The following SCAPER variants were observed in gnomAD, a reference collection of about 807,000 sequenced individuals.
SCAPER encodes the protein S-phase cyclin A associated protein in the ER.
Under a neutral mutation model 182.2 loss-of-function variants are expected in SCAPER, and 98 were observed. The observed-to-expected ratio is 0.54, with a 90% CI of 0.46 to 0.64. SCAPER has a LOEUF of 0.64. Among genes scored for constraint, SCAPER ranks in the 30% least tolerant of loss-of-function variants. The pLI is 0.00. For missense variants in SCAPER, 1,432 were observed against 1,690.0 expected (o/e 0.85, Z 2.68); for synonymous variants, 605 against 564.6 (o/e 1.07, Z -1.01).
At chr15:76,459,389 C>A (rs941620700) in intron 25 of SCAPER, among the ~76,000 whole-genome samples, 3 of 152,136 alleles carry the variant, frequency 2.0e-5, no homozygotes, top group Non-Finnish European at 4.4e-5. Flanking sequence ...TATATTCTAA[C>A]TGGAGTAAGA....
chr15:76,739,775 C>T (rs374887668), intron 15 of SCAPER, among the ~76,000 whole-genome samples: 8 of 152,074 alleles, frequency 5.3e-5, no homozygotes, highest in African/African-American at 1.2e-4. Flanking sequence ...AAAGGTGATT[C>T]GTGAGCTAAG....
At chr15:76,864,107 T>C (rs886327425) in intron 2 of SCAPER, among the ~76,000 whole-genome samples, 3 of 152,136 alleles carry the variant, frequency 2.0e-5, no homozygotes, top group Non-Finnish European at 2.9e-5. Context: ...AATGAGATAA[T>C]AGGAACTAGA....
chr15:76,630,670 T>C (rs1251729253), intron 21 of SCAPER, among the ~76,000 whole-genome samples: 4 of 151,962 alleles, frequency 2.6e-5, no homozygotes, highest in African/African-American at 4.8e-5. Context: ...GAGACCGTTA[T>C]TATTTCAGTT....
At chr15:76,801,099 T>C (rs549486997) in intron 6 of SCAPER, among the ~76,000 whole-genome samples, 1 of 152,376 alleles carries the variant, frequency 6.6e-6, no homozygotes, top group African/African-American at 2.4e-5. Context: ...TTTTTTAAAT[T>C]ATACGTTTAT....
chr15:76,861,290 G>A (rs985042647), intron 3 of SCAPER, among the ~76,000 whole-genome samples: 1 of 152,150 alleles, frequency 6.6e-6, no homozygotes, highest in African/African-American at 2.4e-5. Context: ...GAAAAAATTA[G>A]TTACTTTACA....
chr15:76,630,985 T>G (rs2053055093), intron 21 of SCAPER, among the ~76,000 whole-genome samples: 1 of 152,230 alleles, frequency 6.6e-6, no homozygotes, highest in South Asian at 2.1e-4. Context: ...ACTCCTATAC[T>G]GGGTGTATAG....
In SCAPER at chr15:76,348,557, AG is replaced by A. The variant is rs1337274551; in HGVS notation, c.*75del. On this transcript the variant is annotated 3_prime_UTR_variant, in exon 32 of 32. Transcript: ENST00000563290. ...ATAAACATGGGAAAATGAGTTCTTA[AG>A]GAACAATTAGAATGTTTGTTTGGAC... The A allele has an allele frequency of 5.9e-6, 6 of 1,015,980 alleles. No homozygotes were observed. The highest frequency in any genetic ancestry group is 4.3e-6 in the Non-Finnish European group (3 of 692,018). 62.9% of individuals were successfully genotyped at this position (1,015,980 alleles called of 1,614,324 possible).
chr15:76,417,500 G>C (rs923964088), intron 26 of SCAPER, among the ~76,000 whole-genome samples: 4 of 152,180 alleles, frequency 2.6e-5, no homozygotes, highest in African/African-American at 9.7e-5. Context: ...GAGAGATCTA[G>C]CTTAAGTAAC....
intron 26 of SCAPER, among the ~76,000 whole-genome samples, chr15:76,431,051 C>T (rs1246612834): frequency 6.6e-6 from 1 of 152,104 alleles, no homozygotes; most frequent in African/African-American, 2.4e-5. Flanking sequence ...TCTTTGCCTG[C>T]CACAACCCAT....
In SCAPER at chr15:76,816,181, T is replaced by C. The variant is rs527957809; in HGVS notation, c.394-11548A>G. 3.3e-5 allele frequency among the ~76,000 whole-genome samples: 5 copies of C among 152,292 alleles called. 1 individual carries two copies. In the South Asian group the frequency reaches 1.0e-3, roughly 32 times the overall value. Reference sequence around the variant, plus strand: ...AGACTACACAAAATCCATACAAAAATTTTCTGTCTTCCTAATAAATTAACC... The same window carrying C: ...AGACTACACAAAATCCATACAAAAACTTTCTGTCTTCCTAATAAATTAACC... On this transcript the variant is annotated intron_variant, in intron 5 of 31. Coordinates refer to ENST00000563290, the MANE Select transcript of SCAPER (RefSeq NM_020843.4).
At chr15:76,692,721 AAAAGGAAAGG>A (rs951563053) in intron 20 of SCAPER, among the ~76,000 whole-genome samples, 121 of 150,992 alleles carry the variant, frequency 8.0e-4, no homozygotes, top group African/African-American at 2.8e-3. Context: ...AAGGAAAAGG[AAAAGGAAAGG>A]AAAGGAAAGG....
At chr15:76,355,241 T>A (rs1199732998) in intron 29 of SCAPER, among the ~76,000 whole-genome samples, 2 of 152,198 alleles carry the variant, frequency 1.3e-5, no homozygotes, top group African/African-American at 4.8e-5. Flanking sequence ...ATCAACAAAG[T>A]AATAGTTCAC....
intron 1 of SCAPER, among the ~76,000 whole-genome samples, chr15:76,893,650 G>C (rs535159463): frequency 2.0e-4 from 30 of 152,256 alleles, no homozygotes; most frequent in Admixed American, 1.6e-3. Context: ...ATATTCTCTA[G>C]GATAGATCAT....
chr15:76,511,886 T>TA (rs1491172552), intron 23 of SCAPER, among the ~76,000 whole-genome samples: 2,858 of 75,750 alleles, frequency 0.038, 79 homozygotes, highest in African/African-American at 0.11. Context: ...TATATATATA[T>TA]TTTTTTTTTT....
intron 25 of SCAPER, among the ~76,000 whole-genome samples, chr15:76,458,666 T>C (rs2048926927): frequency 6.6e-6 from 1 of 152,220 alleles, no homozygotes; most frequent in Admixed American, 6.5e-5. Flanking sequence ...TTCTAGGTGC[T>C]GGGAACATTT....
chr15:76,530,962 T>C (rs768703141), intron 23 of SCAPER, among the ~76,000 whole-genome samples: 2 of 151,386 alleles, frequency 1.3e-5, no homozygotes, highest in Non-Finnish European at 2.9e-5. Flanking sequence ...CAGGTATATA[T>C]GTGTATATAT....
At chr15:76,794,607 C>G (rs952615701) in intron 8 of SCAPER, among the ~76,000 whole-genome samples, 33 of 152,212 alleles carry the variant, frequency 2.2e-4, no homozygotes, top group Admixed American at 1.7e-3. Context: ...ATGGCATCTT[C>G]CACTGAAGAA....
chr15:76,574,491 C>G (rs1291418290), intron 22 of SCAPER, among the ~76,000 whole-genome samples: 1 of 152,134 alleles, frequency 6.6e-6, no homozygotes, highest in African/African-American at 2.4e-5. Context: ...TGGCACAAAA[C>G]AGAACTAGAG....
intron 8 of SCAPER, among the ~76,000 whole-genome samples, chr15:76,781,765 A>G (rs1469032153): frequency 6.6e-6 from 1 of 152,198 alleles, no homozygotes. Flanking sequence ...TTTTCAACCC[A>G]GAATTTCATA....
Sources: gnomAD v4.1 joint callset for allele counts (sites outside exome capture counted in the v4.1 genomes callset) on GRCh38, gnomAD v4.1.1 for gene constraint, MANE v1.5 for transcripts, NCBI Gene and HGNC (gene_info 2026-07-23, HGNC 2026-07-21) for gene names.